Variants in RHBDF1 observed in about 807,000 individuals in gnomAD.
The protein encoded by RHBDF1 is inactive rhomboid protein 1.
A neutral mutation model predicts 98.6 loss-of-function variants in RHBDF1; 80 were observed. The observed-to-expected ratio is 0.81, with a 90% CI of 0.68 to 0.98. The LOEUF (loss-of-function observed/expected upper bound fraction) is 0.98. Ranked by LOEUF, RHBDF1 falls within the 50% of genes least tolerant of loss-of-function variation. The pLI is 0.00. For synonymous variants in RHBDF1, 512 were observed against 486.8 expected, an observed-to-expected ratio of 1.05 and a Z score of -0.68; for missense variants, 1,116 against 1,198.3, an observed-to-expected ratio of 0.93 and a Z score of 1.01.
Position 61,486 on chromosome 16 carries a change from C to T in RHBDF1, c.1321-27G>A, listed in dbSNP as rs375012621. On this transcript the variant is annotated intron_variant, in intron 9 of 17. Transcript: ENST00000262316. ...TGGGAGGTTGGGGAGCGGGATCAGA[C>T]GGGCCCCGACTCTGGCCCTCTCCTC... 3.2e-5 allele frequency: 52 copies of T among 1,611,948 alleles called. No individual in the cohort carries two copies. The African/African-American group carries it at 6.3e-4, about 19-fold the overall frequency.
At chr16:66,630 C>A (rs923747087) in intron 1 of RHBDF1, among the ~76,000 whole-genome samples, 24 of 152,302 alleles carry the variant, frequency 1.6e-4, no homozygotes, top group African/African-American at 5.5e-4. Context: ...CCACCCCTCA[C>A]GCTCCAGCCC....
intron 1 of RHBDF1, among the ~76,000 whole-genome samples, chr16:71,137 C>T (rs1223634462): frequency 6.6e-6 from 1 of 152,134 alleles, no homozygotes; most frequent in Admixed American, 6.5e-5. Context: ...ACCAAGAGCG[C>T]ACCCTAGAAA....
At chr16:68,857 G>A (rs913184501) in intron 1 of RHBDF1, among the ~76,000 whole-genome samples, 1 of 152,198 alleles carries the variant, frequency 6.6e-6, no homozygotes, top group African/African-American at 2.4e-5. Flanking sequence ...AGCTGGCCGC[G>A]TGCACAGGTG....
chr16:60,031 G>T (rs1032643395), intron 13 of RHBDF1, 185 bp downstream of exon 13: 2 of 1,476,314 alleles, frequency 1.4e-6, no homozygotes, highest in African/African-American at 2.8e-5. Context: ...TAGTTCTCTT[G>T]ATCTACTTGC....
intron 13 of RHBDF1, 106 bp downstream of exon 13, chr16:60,110 A>T: frequency 6.3e-7 from 1 of 1,581,956 alleles, no homozygotes; most frequent in South Asian, 1.2e-5. Context: ...TGAAAACGTG[A>T]GGTGGTCCCA....
chr16:58,881 G>A, intron 17 of RHBDF1, 93 bp downstream of exon 17: 2 of 1,561,238 alleles, frequency 1.3e-6, no homozygotes, highest in South Asian at 1.2e-5. Flanking sequence ...GATCCAACTG[G>A]AGATGCTCCC....
intron 11 of RHBDF1, 61 bp downstream of exon 11, chr16:61,059 T>C: frequency 6.7e-7 from 1 of 1,483,562 alleles, no homozygotes. Flanking sequence ...CGAGTCTATC[T>C]GAGGTCTGAA....
chr16:65,139 C>A (rs936282112), intron 1 of RHBDF1, 100 bp from the exon 2 acceptor site: 10 of 1,271,934 alleles, frequency 7.9e-6, no homozygotes, highest in Non-Finnish European at 1.1e-5. Flanking sequence ...TGAGCCCAAC[C>A]GTGGTGCTCA....
At position 61,659 on chromosome 16, in the gene RHBDF1, G is replaced by A. The variant is rs1897629425; in HGVS notation, c.1246C>T (p.Leu416Phe). 6.2e-7 allele frequency: 1 copy of A among 1,613,406 alleles called. No homozygotes were observed. Reference sequence around the variant, plus strand: ...ATGCACACGGCTAGGATGGTGACGAGCGAGTGCACGAAGGTAAGCCAGTAG... The same window carrying A: ...ATGCACACGGCTAGGATGGTGACGAACGAGTGCACGAAGGTAAGCCAGTAG... The part of the protein sequence containing the change: ...FTYWLTFVHS[L>F]VTILAVCIYG... Residue 416 changes from leucine (L) to phenylalanine (F), a missense_variant, in exon 9 of 18, where the codon CTC (leucine) becomes TTC (phenylalanine). Leu to Phe is a conservative substitution (Grantham distance 22). Coordinates refer to ENST00000262316, the MANE Select transcript of RHBDF1 (RefSeq NM_022450.5).
chr16:67,724 C>A (rs1396038794), intron 1 of RHBDF1, among the ~76,000 whole-genome samples: 1 of 152,234 alleles, frequency 6.6e-6, no homozygotes, highest in African/African-American at 2.4e-5. Context: ...CCTGTCACTG[C>A]TGCCTCCACA....
At chr16:72,681 G>T, upstream of RHBDF1, 5 of 981,100 alleles carry the variant, frequency 5.1e-6, no homozygotes, top group Non-Finnish European at 4.8e-6. Flanking sequence ...GGAGCGGGGC[G>T]GTCGCGCTGA....
At position 63,187 on chromosome 16, in the gene RHBDF1, A is replaced by C; in HGVS notation, c.463-5T>G. 6.4e-7 allele frequency: 1 copy of C among 1,559,930 alleles called. No homozygotes were observed. Among genetic ancestry groups the C allele is most frequent in the Non-Finnish European group, 8.7e-7 (1 of 1,152,914 alleles). On this transcript the variant is annotated splice_region_variant and splice_polypyrimidine_tract_variant and intron_variant, in intron 4 of 17. Coordinates refer to ENST00000262316, the MANE Select transcript of RHBDF1 (RefSeq NM_022450.5). ...ACGGGCCAGGGGGTCTATGATCTGG[A>C]GGAGGGGAGGAGATGCTGGAGTCAG...
Position 58,318 on chromosome 16 carries a change from G to C in RHBDF1, c.*22C>G. 6.3e-7 allele frequency: 1 copy of C among 1,597,788 alleles called. No individual in the cohort carries two copies. Among genetic ancestry groups the C allele is most frequent in the Non-Finnish European group, 8.5e-7 (1 of 1,171,152 alleles). On this transcript the variant is annotated 3_prime_UTR_variant, in exon 18 of 18. Transcript: ENST00000262316. ...TGGCTCTGGCCTGCTGGAGCACACG[G>C]CCGCTGGAGCCCGCAGCCAGCTCAG...
At chr16:60,762 A>G in intron 11 of RHBDF1, 1 of 582,366 alleles carries the variant, frequency 1.7e-6, no homozygotes. Context: ...GTCCTAAATC[A>G]GGGAACTGGT....
At chr16:66,712 G>A (rs1381906315) in intron 1 of RHBDF1, among the ~76,000 whole-genome samples, 1 of 152,216 alleles carries the variant, frequency 6.6e-6, no homozygotes, top group East Asian at 1.9e-4. Context: ...GCACTCCCCA[G>A]GCATGGTGCC....
Position 59,080 on chromosome 16 carries a change from C to T in RHBDF1, c.2042G>A (p.Arg681Gln), listed in dbSNP as rs754018001. ...CCAGCCTGCCAGCTTCTCCAGGTCCCGCAGGACAGTCATCTGGAAGCAGAT... is the reference window on the plus strand; with the variant it reads ...CCAGCCTGCCAGCTTCTCCAGGTCCTGCAGGACAGTCATCTGGAAGCAGAT... ...VSICFQMTVL[R>Q]DLEKLAGWHR... The change falls in exon 17 of 18, where the codon CGG (arginine) becomes CAG (glutamine). Residue 681 changes from arginine (R) to glutamine (Q), a missense_variant. Physicochemically the swap from Arg to Gln is conservative, Grantham distance 43 (BLOSUM62 1). Coordinates refer to ENST00000262316, the MANE Select transcript of RHBDF1 (RefSeq NM_022450.5). 1.6e-5 allele frequency: 26 copies of T among 1,613,490 alleles called. No individual in the cohort carries two copies. Among genetic ancestry groups the T allele is most frequent in the South Asian group, 8.8e-5 (8 of 91,092 alleles).
chr16:64,233 G>C (rs1897757812), intron 3 of RHBDF1: 1 of 1,330,576 alleles, frequency 7.5e-7, no homozygotes, highest in Non-Finnish European at 9.9e-7. Flanking sequence ...CCTGCCGTTA[G>C]GAGCCCCAGG....
At chr16:67,363 C>T (rs1172741931) in intron 1 of RHBDF1, among the ~76,000 whole-genome samples, 1 of 152,196 alleles carries the variant, frequency 6.6e-6, no homozygotes, top group Non-Finnish European at 1.5e-5. Flanking sequence ...CAGGAATCAG[C>T]AGGCTGAATC....
At chr16:67,699 T>C (rs1897864467) in intron 1 of RHBDF1, among the ~76,000 whole-genome samples, 1 of 152,170 alleles carries the variant, frequency 6.6e-6, no homozygotes, top group African/African-American at 2.4e-5. Flanking sequence ...CATTCACATA[T>C]GTATGGGCCA....
Sources: gnomAD v4.1 joint callset for allele counts (sites outside exome capture counted in the v4.1 genomes callset) on GRCh38, gnomAD v4.1.1 for gene constraint, MANE v1.5 for transcripts, NCBI Gene and HGNC (gene_info 2026-07-23, HGNC 2026-07-21) for gene names.